The following MARCHF11 variants were observed in gnomAD, a reference collection of about 807,000 sequenced individuals.
MARCHF11 encodes the protein membrane associated ring-CH-type finger 11.
Under a neutral mutation model 37.3 loss-of-function variants are expected in MARCHF11, and 29 were observed. The observed-to-expected ratio is 0.78, with a 90% CI of 0.58 to 1.06. The LOEUF (loss-of-function observed/expected upper bound fraction) is 1.06. MARCHF11 is among the 50% of genes least tolerant of loss of function. MARCHF11 has a pLI of 0.00. For missense variants in MARCHF11, 482 were observed against 533.4 expected (o/e 0.90, Z 0.95); for synonymous variants, 233 against 228.0 (o/e 1.02, Z -0.20).
intron 2 of MARCHF11, among the ~76,000 whole-genome samples, chr5:16,095,110 T>C (rs930326998): frequency 6.6e-6 from 1 of 152,156 alleles, no homozygotes; most frequent in Non-Finnish European, 1.5e-5. Context: ...CCAAGAGCTT[T>C]GGTAACAATT....
intron 2 of MARCHF11, among the ~76,000 whole-genome samples, chr5:16,147,156 A>C (rs1316355599): frequency 6.6e-6 from 1 of 152,156 alleles, no homozygotes; most frequent in African/African-American, 2.4e-5. Flanking sequence ...ACAATAGAAC[A>C]GGTTTTGACT....
chr5:16,083,493 A>G lies in MARCHF11; in HGVS notation c.886+7396T>C, dbSNP rs530586607. 9.5e-4 allele frequency among the ~76,000 whole-genome samples: 144 copies of G among 152,302 alleles called. 1 individual carries two copies. Among genetic ancestry groups the G allele is most frequent in the African/African-American group, 3.4e-3 (141 of 41,572 alleles). ...CTTACCAACAATTACACTTTCAAGC[A>G]TGCTCGTCTATGGTTCATGAACCTG... On this transcript the variant is annotated intron_variant, in intron 3 of 3. Coordinates refer to ENST00000332432, the MANE Select transcript of MARCHF11 (RefSeq NM_001102562.3).
chr5:16,073,602 TATA>T (rs1195755194), intron 3 of MARCHF11, among the ~76,000 whole-genome samples: 4 of 149,014 alleles, frequency 2.7e-5, no homozygotes, highest in East Asian at 1.9e-4. Flanking sequence ...ATATATAATA[TATA>T]ATAATATATA....
At chr5:16,087,488 A>G (rs1736717961) in intron 3 of MARCHF11, among the ~76,000 whole-genome samples, 1 of 152,222 alleles carries the variant, frequency 6.6e-6, no homozygotes. Context: ...TGTCTAATAT[A>G]ATAGTCACTA....
intron 2 of MARCHF11, among the ~76,000 whole-genome samples, chr5:16,166,728 A>G (rs1195225822): frequency 6.6e-6 from 1 of 151,642 alleles, no homozygotes; most frequent in African/African-American, 2.4e-5. Flanking sequence ...CAATATAGAA[A>G]TAGTTACAAA....
chr5:16,126,856 C>T (rs1737418047), intron 2 of MARCHF11, among the ~76,000 whole-genome samples: 2 of 152,168 alleles, frequency 1.3e-5, no homozygotes, highest in South Asian at 4.1e-4. Flanking sequence ...TTGTTAGCAT[C>T]TACCATTACT....
intron 2 of MARCHF11, among the ~76,000 whole-genome samples, chr5:16,172,508 A>G (rs1022615842): frequency 2.6e-5 from 4 of 152,154 alleles, no homozygotes; most frequent in Non-Finnish European, 5.9e-5. Flanking sequence ...CTTAGAGAAA[A>G]AGTCAAAGGG....
At chr5:16,176,708 G>C (rs182942) in intron 2 of MARCHF11, among the ~76,000 whole-genome samples, 109,632 of 152,062 alleles carry the variant, frequency 0.72, 39,688 homozygotes, top group East Asian at 0.9. Context: ...AATTCAGCTT[G>C]CAGGTTCCTT....
Position 16,153,050 on chromosome 5 carries a change from T to C in MARCHF11, c.693+24676A>G, listed in dbSNP as rs537867399. Among the ~76,000 whole-genome samples, 41 of 152,110 alleles carry C rather than the reference T, an allele frequency of 2.7e-4. 1 individual carries two copies. The highest frequency in any genetic ancestry group is 3.4e-3 in the Middle Eastern group (1 of 294). ...GATGGAAACAGATGTCAGGCACTGATCCTACCCTCTGCTTCACAATGTGGC... is the reference window on the plus strand; with the variant it reads ...GATGGAAACAGATGTCAGGCACTGACCCTACCCTCTGCTTCACAATGTGGC... On this transcript the variant is annotated intron_variant, in intron 2 of 3. Transcript: ENST00000332432.
At position 16,091,016 on chromosome 5, in the gene MARCHF11, C is replaced by T. The variant is rs1183427727; in HGVS notation, c.759G>A (p.Leu253=). 3 of 1,610,422 alleles carry T rather than the reference C, an allele frequency of 1.9e-6. No individual in the cohort carries two copies. Among genetic ancestry groups the T allele is most frequent in the Non-Finnish European group, 2.5e-6 (3 of 1,178,482 alleles). ...GCCAAGTCACACTGGCTATTAAGAACAGGGATCCTAGGATTACAGCAATCA... is the reference window on the plus strand; with the variant it reads ...GCCAAGTCACACTGGCTATTAAGAATAGGGATCCTAGGATTACAGCAATCA... The part of the protein sequence containing the change: ...VQMIAVILGS[L]FLIASVTWLL... The change falls in exon 3 of 4, where the codon CTG becomes CTA. Residue 253 remains leucine, a synonymous_variant. Coordinates refer to ENST00000332432, the MANE Select transcript of MARCHF11 (RefSeq NM_001102562.3).
chr5:16,147,118 G>A (rs1035567235), intron 2 of MARCHF11, among the ~76,000 whole-genome samples: 5 of 152,270 alleles, frequency 3.3e-5, no homozygotes, highest in African/African-American at 1.2e-4. Flanking sequence ...CATCTTTGAG[G>A]TGACTGCATT....
At chr5:16,077,686 T>C (rs1170728432) in intron 3 of MARCHF11, among the ~76,000 whole-genome samples, 1 of 152,220 alleles carries the variant, frequency 6.6e-6, no homozygotes, top group Non-Finnish European at 1.5e-5. Context: ...AATATAAAAA[T>C]GCTCAGACAG....
intron 2 of MARCHF11, among the ~76,000 whole-genome samples, chr5:16,157,350 T>C (rs1329195018): frequency 1.3e-5 from 2 of 151,920 alleles, no homozygotes; most frequent in Non-Finnish European, 2.9e-5. Context: ...AATCCTAAAA[T>C]TTGTATGGAA....
At chr5:16,148,524 A>C (rs1282168815) in intron 2 of MARCHF11, among the ~76,000 whole-genome samples, 4 of 152,168 alleles carry the variant, frequency 2.6e-5, no homozygotes, top group African/African-American at 4.8e-5. Flanking sequence ...AGACAGAGGA[A>C]GAGGGAATAA....
intron 2 of MARCHF11, among the ~76,000 whole-genome samples, chr5:16,171,190 G>T (rs1284293907): frequency 6.6e-6 from 1 of 151,748 alleles, no homozygotes; most frequent in African/African-American, 2.4e-5. Flanking sequence ...GTGCCATGCT[G>T]GTGCGCTGCA....
chr5:16,095,463 GGGAA>G (rs200720532), intron 2 of MARCHF11, among the ~76,000 whole-genome samples: 89 of 132,252 alleles, frequency 6.7e-4, no homozygotes, highest in Admixed American at 8.7e-4. Flanking sequence ...CAGGGAAGGA[GGGAA>G]GGAAGGAAGG....
chr5:16,129,721 C>G (rs1462389374), intron 2 of MARCHF11, among the ~76,000 whole-genome samples: 1 of 152,012 alleles, frequency 6.6e-6, no homozygotes, highest in Admixed American at 6.6e-5. Context: ...TTTGCAATAC[C>G]CTTCTTGAGT....
At chr5:16,149,818 G>A (rs1040233752) in intron 2 of MARCHF11, among the ~76,000 whole-genome samples, 15 of 152,140 alleles carry the variant, frequency 9.9e-5, no homozygotes, top group East Asian at 3.9e-4. Context: ...ACCTGCACCC[G>A]TGGTACATCC....
chr5:16,179,261 A>G lies in MARCHF11; in HGVS notation c.315T>C (p.Gly105=), dbSNP rs954626598. 11 of 1,330,776 alleles carry G rather than the reference A, an allele frequency of 8.3e-6. No individual in the cohort carries two copies. The highest frequency in any genetic ancestry group is 3.3e-5 in the East Asian group (1 of 30,298). The allele number at this position is 1,330,776 out of a possible 1,614,324, so 82.4% of individuals were successfully genotyped here. Reference sequence around the variant, plus strand: ...CTGCCGCCTCCGGGAGGCGCCTCGGACCTTCCCCGGAGTCGCCGGCCGCCG... The same window carrying G: ...CTGCCGCCTCCGGGAGGCGCCTCGGGCCTTCCCCGGAGTCGCCGGCCGCCG... ...EVAAAGDSGE[G]PRRLPEAAAA... Residue 105 remains glycine, a synonymous_variant, in exon 1 of 4, where the codon GGT becomes GGC. Coordinates refer to ENST00000332432, the MANE Select transcript of MARCHF11 (RefSeq NM_001102562.3).
Sources: gnomAD v4.1 joint callset for allele counts (sites outside exome capture counted in the v4.1 genomes callset) on GRCh38, gnomAD v4.1.1 for gene constraint, MANE v1.5 for transcripts, NCBI Gene and HGNC (gene_info 2026-07-23, HGNC 2026-07-21) for gene names.